Variants in PCDHA4 observed in about 807,000 individuals in gnomAD.
PCDHA4 encodes the protein protocadherin alpha-4.
A neutral mutation model predicts 61.4 loss-of-function variants in PCDHA4; 49 were observed. The observed-to-expected ratio is 0.80, with a 90% CI of 0.63 to 1.01. PCDHA4 has a LOEUF of 1.01. Among genes scored for constraint, PCDHA4 ranks in the 50% least tolerant of loss-of-function variants. The pLI, the probability that PCDHA4 is intolerant of heterozygous loss-of-function variation, is 0.00. For synonymous variants in PCDHA4, 590 were observed against 550.3 expected (o/e 1.07, Z -1.01); for missense variants, 1,254 against 1,235.8 (o/e 1.01, Z -0.22).
At chr5:140,824,610 G>GTGTTTTTTTTT (rs1768191919) in intron 1 of PCDHA4, 1 of 95,104 alleles carries the variant, frequency 1.1e-5, no homozygotes, top group African/African-American at 4.9e-5. Context: ...GCTAATTAAA[G>GTGTTTTTTTTT]TTTTTTTTTT....
intron 1 of PCDHA4, chr5:140,929,425 A>G (rs2086148550): frequency 6.7e-7 from 1 of 1,496,844 alleles, no homozygotes. Context: ...CATTTCATCA[A>G]TTGAACTAAA....
At chr5:140,963,531 TTTAC>T (rs1391697303) in intron 1 of PCDHA4, among the ~76,000 whole-genome samples, 2 of 152,218 alleles carry the variant, frequency 1.3e-5, no homozygotes, top group African/African-American at 4.8e-5. Flanking sequence ...AGAAGTCCCA[TTTAC>T]TTCATGATAT....
chr5:140,893,195 C>T (rs1445634918), intron 1 of PCDHA4, among the ~76,000 whole-genome samples: 2 of 152,164 alleles, frequency 1.3e-5, no homozygotes, highest in Admixed American at 1.3e-4. Context: ...GTGAATAGTG[C>T]TGCAGTAAGT....
chr5:140,969,024 C>T, intron 1 of PCDHA4: 1 of 1,614,198 alleles, frequency 6.2e-7, no homozygotes, highest in Non-Finnish European at 8.5e-7. Flanking sequence ...GAAAGGTCCC[C>T]TGCAGAACTG....
intron 1 of PCDHA4, chr5:140,877,006 G>A: frequency 6.2e-7 from 1 of 1,612,484 alleles, no homozygotes; most frequent in Non-Finnish European, 8.5e-7. Flanking sequence ...GTCGGTGCAC[G>A]CGGAGAGCGG....
chr5:140,946,611 A>AATATATATAT (rs1554217734), intron 1 of PCDHA4, among the ~76,000 whole-genome samples: 3,697 of 86,664 alleles, frequency 0.043, 168 homozygotes, highest in Non-Finnish European at 0.054. Flanking sequence ...GAAAATGTGA[A>AATATATATAT]ATATATATAT....
chr5:140,955,397 A>G (rs1470827673), intron 1 of PCDHA4, among the ~76,000 whole-genome samples: 1 of 152,130 alleles, frequency 6.6e-6, no homozygotes, highest in Non-Finnish European at 1.5e-5. Context: ...CAATTATCCC[A>G]TACAGTTCTC....
intron 3 of PCDHA4, among the ~76,000 whole-genome samples, chr5:140,999,427 G>A (rs1405186577): frequency 6.6e-6 from 1 of 152,172 alleles, no homozygotes; most frequent in Non-Finnish European, 1.5e-5. Flanking sequence ...AAGAGGCCAA[G>A]TACCTTGCCT....
intron 1 of PCDHA4, chr5:140,828,566 G>A (rs148766603): frequency 2.5e-6 from 4 of 1,614,098 alleles, no homozygotes; most frequent in African/African-American, 1.3e-5. Flanking sequence ...GGGCGCGTCC[G>A]ATGCAGATGT....
intron 1 of PCDHA4, chr5:140,862,360 G>C (rs920511235): frequency 6.0e-6 from 2 of 334,746 alleles, no homozygotes; most frequent in Non-Finnish European, 1.2e-5. Flanking sequence ...AGGGACAGAC[G>C]ACCCGCACCC....
chr5:140,884,872 T>C (rs1427684688), intron 1 of PCDHA4, among the ~76,000 whole-genome samples: 1 of 152,216 alleles, frequency 6.6e-6, no homozygotes, highest in African/African-American at 2.4e-5. Context: ...CATAATGAAA[T>C]GTGCAAAACA....
chr5:140,869,809 A>G, intron 1 of PCDHA4: 15 of 1,612,564 alleles, frequency 9.3e-6, no homozygotes, highest in Non-Finnish European at 1.3e-5. Flanking sequence ...CTTGGATGTC[A>G]ACGACAATGA....
At chr5:140,889,415 G>A (rs192243576) in intron 1 of PCDHA4, among the ~76,000 whole-genome samples, 212 of 152,058 alleles carry the variant, frequency 1.4e-3, no homozygotes, top group African/African-American at 5.0e-3. Flanking sequence ...AGTCAGTTAC[G>A]TAGATAATAT....
At chr5:140,822,944 C>T (rs2150120585) in intron 1 of PCDHA4, 2 of 1,614,240 alleles carry the variant, frequency 1.2e-6, no homozygotes, top group South Asian at 1.1e-5. Context: ...TCCCTAATGC[C>T]CCACGTTCCC....
chr5:140,869,056 GTAC>G, intron 1 of PCDHA4: 2 of 1,549,424 alleles, frequency 1.3e-6, no homozygotes, highest in Non-Finnish European at 1.7e-6. Flanking sequence ...GAAGAATCTG[GTAC>G]TGTAAGTGTA....
intron 1 of PCDHA4, chr5:140,836,819 C>T (rs1774763435): frequency 1.8e-6 from 2 of 1,113,462 alleles, no homozygotes; most frequent in African/African-American, 1.6e-5. Context: ...TTCATAATTT[C>T]TTTTTTAGTT....
intron 1 of PCDHA4, chr5:140,967,407 G>A: frequency 6.2e-7 from 1 of 1,613,098 alleles, no homozygotes; most frequent in South Asian, 1.1e-5. Context: ...CTGCGTAAGG[G>A]CCTAGACCGG....
rs2098416049 is a variant in PCDHA4, at chr5:141,010,101, T to G, written c.*164T>G. The G allele has an allele frequency of 6.2e-6, 10 of 1,612,488 alleles. No homozygotes were observed. Among genetic ancestry groups the G allele is most frequent in the Non-Finnish European group, 8.5e-6 (10 of 1,179,154 alleles). ...GTCTGTCTAGAACGCATTTAACAGG[T>G]TTTGTCGTAAAAGCTTTACTAAGTC... On this transcript the variant is annotated 3_prime_UTR_variant, in exon 4 of 4. Transcript: ENST00000530339.
intron 1 of PCDHA4, among the ~76,000 whole-genome samples, chr5:140,913,413 G>A (rs976186231): frequency 3.3e-5 from 5 of 152,050 alleles, no homozygotes; most frequent in Non-Finnish European, 5.9e-5. Flanking sequence ...TTGAATTCCT[G>A]CAGTATCAGT....
Sources: allele counts gnomAD v4.1 joint callset (sites outside exome capture counted in the v4.1 genomes callset), GRCh38; gene constraint gnomAD v4.1.1; transcripts MANE v1.5; gene names NCBI Gene and HGNC (gene_info 2026-07-23, HGNC 2026-07-21).